Variants in PARP8 observed in about 807,000 individuals in gnomAD.
PARP8 encodes the protein poly(ADP-ribose) polymerase family member 8.
A neutral mutation model predicts 124.1 loss-of-function variants in PARP8; 51 were observed. That is an observed-to-expected ratio of 0.41 (90% CI 0.33 to 0.52). PARP8 has a LOEUF of 0.52. PARP8 is among the 20% of genes least tolerant of loss of function. PARP8 has a pLI of 0.21. For missense variants in PARP8, 860 were observed against 1,018.9 expected (o/e 0.84, Z 2.12); for synonymous variants, 391 against 361.5 (o/e 1.08, Z -0.93).
intron 2 of PARP8, among the ~76,000 whole-genome samples, chr5:50,681,872 G>C (rs562829819): frequency 1.9e-3 from 294 of 152,200 alleles, no homozygotes; most frequent in African/African-American, 6.8e-3. Context: ...TCAGCTTGTT[G>C]CTTGTAATAT....
intron 10 of PARP8, 103 bp downstream of exon 10, chr5:50,788,692 T>A (rs952284393): frequency 8.5e-6 from 8 of 946,710 alleles, no homozygotes; most frequent in Admixed American, 4.5e-5. Context: ...GTAAGAACTT[T>A]TTGAAGCAAG....
At chr5:50,686,257 G>A (rs1751848259) in intron 2 of PARP8, among the ~76,000 whole-genome samples, 2 of 152,186 alleles carry the variant, frequency 1.3e-5, no homozygotes, top group Admixed American at 1.3e-4. Context: ...CCCCCTGCAA[G>A]TCCAAAATTC....
intron 2 of PARP8, among the ~76,000 whole-genome samples, chr5:50,706,349 A>G (rs1477204433): frequency 6.6e-6 from 1 of 151,772 alleles, no homozygotes; most frequent in Non-Finnish European, 1.5e-5. Context: ...TATGTTTTTC[A>G]GATGGCTGGT....
intron 2 of PARP8, among the ~76,000 whole-genome samples, chr5:50,711,873 C>T (rs1463498208): frequency 6.6e-6 from 1 of 152,072 alleles, no homozygotes. Context: ...CAGCTGTTAA[C>T]TTCTCTTTTC....
intron 14 of PARP8, among the ~76,000 whole-genome samples, chr5:50,798,622 C>T (rs574094760): frequency 1.3e-5 from 2 of 152,030 alleles, no homozygotes; most frequent in Admixed American, 1.3e-4. Context: ...CAGGGTTTCA[C>T]TGTGTTGGCC....
intron 2 of PARP8, among the ~76,000 whole-genome samples, chr5:50,678,570 G>A (rs1483518875): frequency 2.0e-5 from 3 of 152,130 alleles, no homozygotes; most frequent in East Asian, 3.8e-4. Flanking sequence ...AGATATATGA[G>A]AGAGAAATGG....
intron 2 of PARP8, among the ~76,000 whole-genome samples, chr5:50,693,905 T>G (rs1389664643): frequency 6.6e-6 from 1 of 151,908 alleles, no homozygotes; most frequent in African/African-American, 2.4e-5. Context: ...GTCCTTTCCC[T>G]TTTTTCTGTA....
chr5:50,698,169 C>T (rs751956395), intron 2 of PARP8, among the ~76,000 whole-genome samples: 4 of 152,104 alleles, frequency 2.6e-5, no homozygotes, highest in Non-Finnish European at 4.4e-5. Context: ...GTCGAATACA[C>T]GAGTTAATAA....
intron 2 of PARP8, among the ~76,000 whole-genome samples, chr5:50,746,653 T>A (rs1376938399): frequency 6.6e-6 from 1 of 152,218 alleles, no homozygotes; most frequent in Non-Finnish European, 1.5e-5. Context: ...TCCAAAGGTG[T>A]TACCTCTGAT....
intron 2 of PARP8, among the ~76,000 whole-genome samples, chr5:50,683,972 G>A (rs1212386949): frequency 6.6e-6 from 1 of 152,112 alleles, no homozygotes; most frequent in Non-Finnish European, 1.5e-5. Flanking sequence ...TATGAACTTA[G>A]ACATTTTCGT....
intron 10 of PARP8, among the ~76,000 whole-genome samples, chr5:50,788,869 G>A (rs1741616787): frequency 6.6e-6 from 1 of 152,160 alleles, no homozygotes; most frequent in Non-Finnish European, 1.5e-5. Flanking sequence ...TGTGGACACA[G>A]GCTCTGAGTC....
chr5:50,666,598 C>T (rs545791317), upstream of PARP8: 2 of 149,002 alleles, frequency 1.3e-5, no homozygotes, highest in South Asian at 2.1e-4. Context: ...GCAGCCTGGG[C>T]ACGGCTGCCG....
chr5:50,679,935 T>G (rs1321133145), intron 2 of PARP8, among the ~76,000 whole-genome samples: 3 of 152,214 alleles, frequency 2.0e-5, no homozygotes, highest in Non-Finnish European at 4.4e-5. Flanking sequence ...GCTTCTAAAT[T>G]ACGGTCAAAT....
chr5:50,797,145 A>C lies in PARP8; in HGVS notation c.1487A>C (p.Glu496Ala), dbSNP rs1327781419. The change falls in exon 14 of 26, where the codon GAG (glutamate) becomes GCG (alanine). Residue 496 changes from glutamate to alanine, a missense_variant. By Grantham distance (107) the Glu-to-Ala change is moderately radical. This residue lies in a region of PARP8 where 343 missense variants were observed against 474.7 expected (regional missense o/e 0.72). Coordinates refer to ENST00000281631, the MANE Select transcript of PARP8 (RefSeq NM_024615.4). ...RDRGFLVQTI[E>A]FAEQRIPVLN... is the part of the protein sequence containing the mutation. ...CCTTACTGTTTTATTCAGACAATTG[A>C]GTTTGCTGAACAGCGGATCCCTGTA... 1.2e-6 allele frequency: 2 copies of C among 1,613,096 alleles called. No individual in the cohort carries two copies. The highest frequency in any genetic ancestry group is 3.3e-5 in the Admixed American group (2 of 59,956).
intron 2 of PARP8, among the ~76,000 whole-genome samples, chr5:50,704,420 G>A (rs1246724570): frequency 6.6e-6 from 1 of 152,100 alleles, no homozygotes; most frequent in Admixed American, 6.6e-5. Flanking sequence ...AAGTGAGCAC[G>A]TGCTCACTTA....
At chr5:50,729,123 A>G (rs1441748064) in intron 2 of PARP8, among the ~76,000 whole-genome samples, 1 of 152,120 alleles carries the variant, frequency 6.6e-6, no homozygotes, top group Admixed American at 6.5e-5. Context: ...ACAAAATAAA[A>G]CTAGATAAAT....
chr5:50,730,411 G>A (rs1271321801), intron 2 of PARP8, among the ~76,000 whole-genome samples: 1 of 152,088 alleles, frequency 6.6e-6, no homozygotes, highest in Non-Finnish European at 1.5e-5. Context: ...ATGATAGCAG[G>A]GGAGAAAAGT....
chr5:50,737,402 A>T (rs1757575373), intron 2 of PARP8, among the ~76,000 whole-genome samples: 1 of 151,520 alleles, frequency 6.6e-6, no homozygotes, highest in South Asian at 2.1e-4. Flanking sequence ...TATATTTGCC[A>T]TGAGAATAAG....
chr5:50,791,295 A>T (rs1235864931), intron 10 of PARP8, among the ~76,000 whole-genome samples: 1 of 152,188 alleles, frequency 6.6e-6, no homozygotes, highest in Non-Finnish European at 1.5e-5. Flanking sequence ...TTTAATCTTT[A>T]CAACAACTCT....
Sources: gnomAD v4.1 joint callset for allele counts (sites outside exome capture counted in the v4.1 genomes callset) on GRCh38, gnomAD v4.1.1 for gene constraint, gnomAD v4.1.1 regional missense constraint, MANE v1.5 for transcripts, NCBI Gene and HGNC (gene_info 2026-07-23, HGNC 2026-07-21) for gene names.